Variants in MAGI1 observed in about 807,000 individuals in gnomAD.
MAGI1 encodes membrane-associated guanylate kinase, WW and PDZ domain-containing protein 1.
A neutral mutation model predicts 139.9 loss-of-function variants in MAGI1; 58 were observed. The ratio of observed to expected loss-of-function variants is 0.41; its 90% CI spans 0.34 to 0.52. MAGI1 has a LOEUF of 0.52. Ranked by LOEUF, MAGI1 falls within the 20% of genes least tolerant of loss-of-function variation. MAGI1 has a pLI of 0.12. For missense variants in MAGI1, 1,874 were observed against 1,901.6 expected, an observed-to-expected ratio of 0.99 and a Z score of 0.27; for synonymous variants, 812 against 737.9, an observed-to-expected ratio of 1.10 and a Z score of -1.63.
chr3:65,895,966 G>A lies in MAGI1; in HGVS notation c.313+142030C>T, dbSNP rs140934680. 7.2e-3 allele frequency among the ~76,000 whole-genome samples: 1,100 copies of A among 152,228 alleles called. 13 individuals carry two copies. The highest frequency in any genetic ancestry group is 0.025 in the African/African-American group (1,041 of 41,534). On this transcript the variant is annotated intron_variant, in intron 1 of 22. Transcript: ENST00000402939. ...TCTTTGTTGGAAACACTCACTCAGC[G>A]CCCCTGCCCCCAGCTTGGAGAGGAA...
intron 2 of MAGI1, among the ~76,000 whole-genome samples, chr3:65,592,546 T>C (rs1387335385): frequency 6.6e-6 from 1 of 152,096 alleles, no homozygotes; most frequent in Non-Finnish European, 1.5e-5. Flanking sequence ...CAATTTCAGA[T>C]GGGGAAAAGA....
At chr3:65,561,547 A>T (rs1404546) in intron 2 of MAGI1, among the ~76,000 whole-genome samples, 104,266 of 152,104 alleles carry the variant, frequency 0.69, 36,162 homozygotes, top group East Asian at 0.95. Context: ...TGAAAATACA[A>T]GAGACATGAG....
At chr3:65,778,786 T>G (rs1431295225) in intron 1 of MAGI1, among the ~76,000 whole-genome samples, 8 of 152,208 alleles carry the variant, frequency 5.3e-5, no homozygotes, top group Non-Finnish European at 1.2e-4. Context: ...TTAATGACTT[T>G]TAAAAAGACA....
At chr3:66,037,772 C>A (rs531063681) in intron 1 of MAGI1, among the ~76,000 whole-genome samples, 1 of 152,282 alleles carries the variant, frequency 6.6e-6, no homozygotes, top group African/African-American at 2.4e-5. Context: ...AGAAACGTCC[C>A]CCCGCTACCT....
At position 65,430,879 on chromosome 3, in the gene MAGI1, T is replaced by G. The variant is rs762636765; in HGVS notation, c.1366A>C (p.Lys456Gln). The change falls in exon 11 of 23, where the codon AAA becomes CAA. Residue 456 changes from lysine to glutamine, a missense_variant and splice_region_variant. Lys to Gln is a moderately conservative substitution (Grantham distance 53). This residue lies in a region of MAGI1 where 648 missense variants were observed against 598.1 expected (regional missense o/e 1.08). Coordinates refer to ENST00000402939, the MANE Select transcript of MAGI1 (RefSeq NM_001033057.2). ...EPAREVPLQG[K>Q]PFFTRNPSEL... ...GAAGGGTTTCGTGTAAAAAAGGGTT[T>G]GCCTGGATTAAAATAAGAAACGCAT... 7.4e-6 allele frequency: 12 copies of G among 1,612,914 alleles called. No individual in the cohort carries two copies. Among genetic ancestry groups the G allele is most frequent in the Non-Finnish European group, 1.0e-5 (12 of 1,179,508 alleles).
chr3:65,440,150 G>T, intron 8 of MAGI1, 138 bp from the exon 9 acceptor site: 3 of 935,798 alleles, frequency 3.2e-6, no homozygotes, highest in Non-Finnish European at 4.9e-6. Flanking sequence ...AAAATGCTCA[G>T]TTAGAAAGAG....
At chr3:65,517,820 A>G (rs1405450302) in intron 2 of MAGI1, among the ~76,000 whole-genome samples, 2 of 151,944 alleles carry the variant, frequency 1.3e-5, no homozygotes. Context: ...TTCTGAAGTT[A>G]TTTCCTTTGT....
intron 1 of MAGI1, among the ~76,000 whole-genome samples, chr3:65,872,046 G>C (rs1029288349): frequency 6.6e-6 from 1 of 152,128 alleles, no homozygotes; most frequent in Non-Finnish European, 1.5e-5. Flanking sequence ...GTGTAACCTG[G>C]GGACTGACCC....
In MAGI1 at chr3:65,900,850, G is replaced by A. The variant is rs117320325; in HGVS notation, c.313+137146C>T. 5.1e-4 allele frequency among the ~76,000 whole-genome samples: 78 copies of A among 152,320 alleles called. No homozygotes were observed. In the East Asian group the frequency reaches 0.014, roughly 28 times the overall value. On this transcript the variant is annotated intron_variant, in intron 1 of 22. Transcript: ENST00000402939. The stretch of plus-strand genomic sequence containing the variant: ...CCCTGGTATTTACAATCAGAACTAA[G>A]AGATTCCAGCTTCAGTCTGGATGAA...
chr3:65,882,564 A>G (rs529923158), intron 1 of MAGI1, among the ~76,000 whole-genome samples: 2 of 152,258 alleles, frequency 1.3e-5, no homozygotes, highest in African/African-American at 2.4e-5. Context: ...ACTGGGGGGA[A>G]AAAAGGAGGA....
chr3:65,758,603 G>A (rs998891423), intron 1 of MAGI1, among the ~76,000 whole-genome samples: 2 of 152,082 alleles, frequency 1.3e-5, no homozygotes, highest in Non-Finnish European at 2.9e-5. Context: ...GGAGACATCT[G>A]GCAACGTCTG....
intron 1 of MAGI1, among the ~76,000 whole-genome samples, chr3:65,768,313 A>T (rs1030293847): frequency 3.9e-5 from 6 of 152,056 alleles, no homozygotes; most frequent in Non-Finnish European, 8.8e-5. Flanking sequence ...CCAAATACTC[A>T]GGGGGCTGAG....
intron 2 of MAGI1, among the ~76,000 whole-genome samples, chr3:65,530,804 TAC>T (rs72006337): frequency 0.23 from 15,135 of 67,150 alleles, 2,090 homozygotes; most frequent in African/African-American, 0.25. Context: ...TATATATATA[TAC>T]ACACATATAT....
chr3:65,528,817 A>T (rs143248606), intron 2 of MAGI1, among the ~76,000 whole-genome samples: 49 of 152,332 alleles, frequency 3.2e-4, no homozygotes, highest in African/African-American at 1.2e-3. Context: ...AGGCCAAGAC[A>T]GGAGGATTGC....
At chr3:66,012,708 G>C (rs1328405876) in intron 1 of MAGI1, among the ~76,000 whole-genome samples, 1 of 150,008 alleles carries the variant, frequency 6.7e-6, no homozygotes, top group South Asian at 2.1e-4. Context: ...AGAGGCTGCA[G>C]TAAGCCAAGA....
At chr3:65,401,269 T>C (rs998566512) in intron 13 of MAGI1, among the ~76,000 whole-genome samples, 170 bp downstream of exon 13, 1 of 152,078 alleles carries the variant, frequency 6.6e-6, no homozygotes, top group East Asian at 1.9e-4. Context: ...AAATACCTTG[T>C]ATAACAAACA....
intron 1 of MAGI1, among the ~76,000 whole-genome samples, chr3:66,002,519 C>T (rs1051364941): frequency 6.6e-6 from 1 of 151,890 alleles, no homozygotes; most frequent in Admixed American, 6.6e-5. Flanking sequence ...TTTTTCTTTT[C>T]TTTTTTTGTT....
intron 1 of MAGI1, among the ~76,000 whole-genome samples, chr3:65,811,926 ACGTG>A (rs2041258017): frequency 6.5e-5 from 3 of 46,482 alleles, no homozygotes; most frequent in African/African-American, 1.8e-4. Context: ...TTGTATGTTT[ACGTG>A]TGTGTGTGTG....
chr3:65,772,913 G>A (rs2038072556), intron 1 of MAGI1, among the ~76,000 whole-genome samples: 1 of 152,154 alleles, frequency 6.6e-6, no homozygotes, highest in African/African-American at 2.4e-5. Flanking sequence ...GAGGAGGCAA[G>A]AATTGAAAGA....
Sources: allele counts gnomAD v4.1 joint callset (sites outside exome capture counted in the v4.1 genomes callset), GRCh38; gene constraint gnomAD v4.1.1; regional missense constraint gnomAD v4.1.1; transcripts MANE v1.5; gene names NCBI Gene and HGNC (gene_info 2026-07-23, HGNC 2026-07-21).